Variants in EXD1 observed in about 807,000 individuals in gnomAD.
EXD1 encodes the protein exonuclease 3'-5' domain containing 1, also known as piRNA biogenesis protein EXD1.
Under a neutral mutation model 49.1 loss-of-function variants are expected in EXD1, and 63 were observed. The ratio of observed to expected loss-of-function variants is 1.28; its 90% CI spans 1.05 to 1.58. EXD1 has a LOEUF of 1.58. EXD1 is among the 40% of genes most tolerant of loss of function. EXD1 has a pLI of 0.00. For missense variants in EXD1, 748 were observed against 666.0 expected (o/e 1.12, Z -1.36); for synonymous variants, 234 against 239.2 (o/e 0.98, Z 0.20).
At chr15:41,198,774 C>T (rs1004349472) in intron 7 of EXD1, among the ~76,000 whole-genome samples, 5 of 151,742 alleles carry the variant, frequency 3.3e-5, no homozygotes, top group South Asian at 2.1e-4. Context: ...GGTACAATCT[C>T]GGCTCACTGA....
chr15:41,224,694 C>G (rs1473779999), intron 2 of EXD1, among the ~76,000 whole-genome samples: 1 of 152,162 alleles, frequency 6.6e-6, no homozygotes, highest in Non-Finnish European at 1.5e-5. Flanking sequence ...CATGGTGGCT[C>G]ACACCTATAA....
intron 9 of EXD1, among the ~76,000 whole-genome samples, chr15:41,194,456 C>A (rs1566977401): frequency 6.6e-6 from 1 of 152,118 alleles, no homozygotes; most frequent in Admixed American, 6.6e-5. Flanking sequence ...CAAGTGGCCA[C>A]TAGAAGCTGA....
intron 7 of EXD1, among the ~76,000 whole-genome samples, chr15:41,206,539 G>T (rs1217364456): frequency 6.8e-6 from 1 of 147,588 alleles, no homozygotes; most frequent in Non-Finnish European, 1.5e-5. Context: ...GTTAAAAGTA[G>T]TTGACTCCCC....
Position 41,190,122 on chromosome 15 carries a change from G to C in EXD1, c.871C>G (p.Pro291Ala). The C allele has an allele frequency of 6.2e-7, 1 of 1,614,084 alleles. No homozygotes were observed. Among genetic ancestry groups the C allele is most frequent in the South Asian group, 1.1e-5 (1 of 91,080 alleles). ...ACAGGTCGGATGAACCATACTTCTG[G>C]ATTTTCCTGGAGACAATAAAACAAT... ...EKRQKLIQENPEVWFIRPVSP... is the reference protein window; with the variant it reads ...EKRQKLIQENAEVWFIRPVSP... The change falls in exon 11 of 12, where the codon CCA (proline) becomes GCA (alanine). Residue 291 changes from proline (P) to alanine (A), a missense_variant. Physicochemically the swap from Pro to Ala is conservative, Grantham distance 27 (BLOSUM62 -1). Coordinates refer to ENST00000458580, the MANE Select transcript of EXD1 (RefSeq NM_001286441.2).
chr15:41,197,443 G>A (rs1228253779), intron 7 of EXD1, among the ~76,000 whole-genome samples: 1 of 151,272 alleles, frequency 6.6e-6, no homozygotes, highest in Non-Finnish European at 1.5e-5. Flanking sequence ...CACTATGTTA[G>A]CCAGGATGGT....
At chr15:41,210,132 C>T (rs567581461) in intron 6 of EXD1, among the ~76,000 whole-genome samples, 1 of 152,222 alleles carries the variant, frequency 6.6e-6, no homozygotes, top group African/African-American at 2.4e-5. Context: ...TCAGGCTGGT[C>T]TCAAACTCCT....
At position 41,184,127 on chromosome 15, in the gene EXD1, A is replaced by G. The variant is rs920195312; in HGVS notation, c.1523T>C (p.Leu508Ser). The change falls in exon 12 of 12, where the codon TTA becomes TCA. Residue 508 changes from leucine (L) to serine (S), a missense_variant. By Grantham distance (145) the Leu-to-Ser change is moderately radical (BLOSUM62 -2). Coordinates refer to ENST00000458580, the MANE Select transcript of EXD1 (RefSeq NM_001286441.2). ...SLSLKEETEQ[L>S]LMVENKEDLK... ...ATCTTCCTTGTTTTCCACCATCAAT[A>G]ACTGTTCTGTCTCCTCTTTCAAAGA... 6.2e-7 allele frequency: 1 copy of G among 1,614,150 alleles called. No individual in the cohort carries two copies. Among genetic ancestry groups the G allele is most frequent in the African/African-American group, 1.3e-5 (1 of 75,050 alleles).
intron 9 of EXD1, among the ~76,000 whole-genome samples, chr15:41,194,432 C>T (rs1452194478): frequency 1.3e-5 from 2 of 152,098 alleles, no homozygotes; most frequent in African/African-American, 4.8e-5. Context: ...GAAGGGGCTA[C>T]AAGCCAAGGA....
chr15:41,205,098 C>T (rs576820544), intron 7 of EXD1, among the ~76,000 whole-genome samples: 3 of 152,274 alleles, frequency 2.0e-5, no homozygotes, highest in African/African-American at 7.2e-5. Context: ...TTTGAGTCTT[C>T]GTTCTGAAGG....
intron 2 of EXD1, among the ~76,000 whole-genome samples, 152 bp downstream of exon 2, chr15:41,226,291 A>G (rs1433094586): frequency 6.6e-6 from 1 of 152,100 alleles, no homozygotes; most frequent in East Asian, 1.9e-4. Context: ...ATTCAGTCAC[A>G]TTGTTCTGTT....
chr15:41,226,558 G>A lies in EXD1; in HGVS notation c.18C>T (p.Asp6=), dbSNP rs2047167618. ...ACAAAATCTGGCTGAGGAAATGGTA[G>A]TCACTGCTGGGGTCCATGCTAATTG... MDPSS[D]YHFLSQILWK... is the part of the protein sequence containing the mutation. Residue 6 remains aspartate, a synonymous_variant, in exon 2 of 12, where the codon GAC becomes GAT. Coordinates refer to ENST00000458580, the MANE Select transcript of EXD1 (RefSeq NM_001286441.2). The A allele has an allele frequency of 2.0e-6, 3 of 1,535,950 alleles. No homozygotes were observed. The highest frequency in any genetic ancestry group is 2.6e-6 in the Non-Finnish European group (3 of 1,146,880).
chr15:41,204,442 T>C (rs2046790999), intron 7 of EXD1, among the ~76,000 whole-genome samples: 1 of 151,822 alleles, frequency 6.6e-6, no homozygotes, highest in African/African-American at 2.4e-5. Context: ...TCCCAGCTAC[T>C]GGGGAGGCTG....
At chr15:41,227,679 A>C (rs2047183933) in intron 1 of EXD1, among the ~76,000 whole-genome samples, 1 of 150,194 alleles carries the variant, frequency 6.7e-6, no homozygotes, top group Non-Finnish European at 1.5e-5. Context: ...CTGTCTCAAA[A>C]AAAAAAAAAA....
At chr15:41,190,579 T>C (rs185081034) in intron 10 of EXD1, among the ~76,000 whole-genome samples, 143 of 152,340 alleles carry the variant, frequency 9.4e-4, no homozygotes, top group Non-Finnish European at 1.5e-3. Context: ...TTTCACACTA[T>C]TGATAGCCTT....
At chr15:41,199,828 T>A in intron 7 of EXD1, among the ~76,000 whole-genome samples, 1 of 119,996 alleles carries the variant, frequency 8.3e-6, no homozygotes, top group Non-Finnish European at 1.7e-5. Context: ...TAGATATATG[T>A]CAATATATGA....
intron 11 of EXD1, 43 bp from the exon 12 acceptor site, chr15:41,184,636 C>T: frequency 6.8e-7 from 1 of 1,478,390 alleles, no homozygotes; most frequent in South Asian, 1.3e-5. Flanking sequence ...AACTAAACTT[C>T]TGAATATGGT....
intron 7 of EXD1, among the ~76,000 whole-genome samples, chr15:41,199,930 G>T (rs1390849097): frequency 6.8e-6 from 1 of 147,952 alleles, no homozygotes; most frequent in African/African-American, 2.5e-5. Flanking sequence ...TTGAGACAGA[G>T]TCTGGCTCTG....
chr15:41,194,851 GGCAGCAAA>G (rs1193853376), intron 9 of EXD1, among the ~76,000 whole-genome samples: 1 of 152,060 alleles, frequency 6.6e-6, no homozygotes, highest in Non-Finnish European at 1.5e-5. Context: ...CTCTACAAAT[GGCAGCAAA>G]TACATTATAA....
At chr15:41,206,583 G>A (rs2046825806) in intron 7 of EXD1, among the ~76,000 whole-genome samples, 1 of 145,996 alleles carries the variant, frequency 6.8e-6, no homozygotes, top group Admixed American at 6.9e-5. Context: ...AAACTGTAAA[G>A]TACTGCACAA....
Sources: gnomAD v4.1 joint callset for allele counts (sites outside exome capture counted in the v4.1 genomes callset) on GRCh38, gnomAD v4.1.1 for gene constraint, MANE v1.5 for transcripts, NCBI Gene and HGNC (gene_info 2026-07-23, HGNC 2026-07-21) for gene names.